The following TRAPPC3 variants were observed in gnomAD, a reference collection of about 807,000 sequenced individuals.
The protein encoded by TRAPPC3 is trafficking protein particle complex 3.
In TRAPPC3, 5 loss-of-function variants were observed where a neutral mutation model predicts 18.2. The observed-to-expected ratio is 0.28, with a 90% CI of 0.14 to 0.58. The LOEUF (loss-of-function observed/expected upper bound fraction) is 0.58. TRAPPC3 is among the 20% of genes least tolerant of loss of function. The probability of loss-of-function intolerance (pLI) is 0.91; values close to 1 mark genes in which losing one functional copy is unlikely to be tolerated. For synonymous variants in TRAPPC3, 65 were observed against 84.2 expected (o/e 0.77, Z 1.25); for missense variants, 176 against 225.9 (o/e 0.78, Z 1.41).
Position 36,137,945 on chromosome 1 carries a change from T to C in TRAPPC3, c.274A>G (p.Ser92Gly), listed in dbSNP as rs138894050. ...AFKMYLGITP[S>G]ITNWSPAGDE... ...CCAGCTGGGCTCCAATTAGTAATGC[T>C]TGGAGTGATGCCCAAGTACATCTTG... is the stretch of plus-strand genomic sequence containing the variant. Residue 92 changes from serine to glycine, a missense_variant, in exon 4 of 5, where the codon AGC becomes GGC. Physicochemically the swap from Ser to Gly is moderately conservative, Grantham distance 56. This residue lies in a region of TRAPPC3 where 147 missense variants were observed against 164.3 expected (regional missense o/e 0.89). Transcript: ENST00000373166. The C allele has an allele frequency of 5.0e-5, 81 of 1,614,132 alleles. No homozygotes were observed. In the Admixed American group the frequency reaches 1.1e-3, roughly 23 times the overall value.
At chr1:36,147,310 G>A (rs764748540) in intron 1 of TRAPPC3, among the ~76,000 whole-genome samples, 6 of 151,954 alleles carry the variant, frequency 3.9e-5, no homozygotes, top group South Asian at 4.2e-4. Flanking sequence ...GTGACAGAGC[G>A]AGACTCTGTC....
chr1:36,138,175 CA>C, intron 3 of TRAPPC3, 197 bp from the exon 4 acceptor site: 1 of 1,550,968 alleles, frequency 6.4e-7, no homozygotes, highest in Non-Finnish European at 8.7e-7. Flanking sequence ...TTCACGGCAT[CA>C]TACAGTTTTG....
intron 1 of TRAPPC3, among the ~76,000 whole-genome samples, chr1:36,147,437 C>G (rs1203105752): frequency 6.6e-6 from 1 of 151,094 alleles, no homozygotes. Context: ...AGTTCGAGAC[C>G]TCGAGACCAA....
intron 1 of TRAPPC3, 78 bp from the exon 2 acceptor site, chr1:36,140,244 T>G: frequency 3.5e-6 from 3 of 852,000 alleles, no homozygotes; most frequent in Non-Finnish European, 5.3e-6. Context: ...CCAGCCTTGA[T>G]GCAACTGTCA....
intron 1 of TRAPPC3, chr1:36,148,977 T>A (rs1557763444): frequency 3.3e-6 from 3 of 896,466 alleles, no homozygotes; most frequent in Non-Finnish European, 2.8e-6. Flanking sequence ...AACGGCAATG[T>A]TATCCATCTG....
upstream of TRAPPC3, among the ~76,000 whole-genome samples, chr1:36,150,684 C>T (rs1644262473): frequency 6.6e-6 from 1 of 152,218 alleles, no homozygotes; most frequent in South Asian, 2.1e-4. Flanking sequence ...ACCCTTTTCC[C>T]CAGACATTCT....
At chr1:36,139,938 T>A in intron 2 of TRAPPC3, 119 bp from the exon 3 acceptor site, 5 of 1,503,828 alleles carry the variant, frequency 3.3e-6, no homozygotes, top group Non-Finnish European at 4.5e-6. Context: ...AGTAAATGAG[T>A]TTAGTGAGAA....
At chr1:36,139,645 G>A in intron 3 of TRAPPC3, 75 bp downstream of exon 3, 14 of 1,589,018 alleles carry the variant, frequency 8.8e-6, no homozygotes, top group Non-Finnish European at 1.1e-5. Context: ...CCTCTCTAAG[G>A]GAGATAGAAA....
At chr1:36,147,410 G>C (rs1319738311) in intron 1 of TRAPPC3, among the ~76,000 whole-genome samples, 1 of 151,752 alleles carries the variant, frequency 6.6e-6, no homozygotes, top group Admixed American at 6.6e-5. Context: ...GAGTTGGAGG[G>C]ACTGCTTGAG....
chr1:36,151,937 G>T (rs1170940617), upstream of TRAPPC3, among the ~76,000 whole-genome samples: 2 of 152,158 alleles, frequency 1.3e-5, no homozygotes, highest in Non-Finnish European at 2.9e-5. Flanking sequence ...CACAGGGAGT[G>T]GGCCCTGGGA....
At chr1:36,144,309 A>AAAAAAAAAG (rs1553181270) in intron 1 of TRAPPC3, among the ~76,000 whole-genome samples, 22 of 143,752 alleles carry the variant, frequency 1.5e-4, no homozygotes, top group African/African-American at 5.8e-4. Flanking sequence ...AAAAAAAAAA[A>AAAAAAAAAG]GGGAGGGCAA....
chr1:36,150,723 A>G (rs932175783), upstream of TRAPPC3, among the ~76,000 whole-genome samples: 2 of 151,724 alleles, frequency 1.3e-5, no homozygotes, highest in Admixed American at 6.6e-5. Flanking sequence ...GTGACCCCTC[A>G]CTCTCCATCC....
At chr1:36,146,506 C>T (rs1375753162) in intron 1 of TRAPPC3, among the ~76,000 whole-genome samples, 1 of 148,826 alleles carries the variant, frequency 6.7e-6, no homozygotes, top group East Asian at 2.0e-4. Context: ...CCCTGGTCTC[C>T]ATCTCCTGAC....
At chr1:36,153,113 C>T (rs548385412), upstream of TRAPPC3, among the ~76,000 whole-genome samples, 2 of 152,202 alleles carry the variant, frequency 1.3e-5, no homozygotes, top group Non-Finnish European at 2.9e-5. Flanking sequence ...CCCTGTCGCT[C>T]GCCAAAGACT....
rs189388669 is a variant in TRAPPC3, at chr1:36,137,988, G to A, written c.241-10C>T. On this transcript the variant is annotated splice_polypyrimidine_tract_variant and intron_variant, in intron 3 of 4. Coordinates refer to ENST00000373166, the MANE Select transcript of TRAPPC3 (RefSeq NM_014408.5). Reference sequence around the variant, plus strand: ...ACATCTTGAACGCCACCTGTCAGGGGACACACAACAGCACTTTGGGGAAGA... The same window carrying A: ...ACATCTTGAACGCCACCTGTCAGGGAACACACAACAGCACTTTGGGGAAGA... 91 of 1,613,250 alleles carry A rather than the reference G, an allele frequency of 5.6e-5. 2 individuals are homozygous for A. The Admixed American group carries it at 1.1e-3, about 19-fold the overall frequency.
At position 36,137,944 on chromosome 1, in the gene TRAPPC3, C is replaced by T. The variant is rs749025207; in HGVS notation, c.275G>A (p.Ser92Asn). 4 of 1,613,964 alleles carry T rather than the reference C, an allele frequency of 2.5e-6. No homozygotes were observed. In the African/African-American group the frequency reaches 5.3e-5, roughly 22 times the overall value. ...ACCAGCTGGGCTCCAATTAGTAATG[C>T]TTGGAGTGATGCCCAAGTACATCTT... ...AFKMYLGITP[S>N]ITNWSPAGDE... The change falls in exon 4 of 5, where the codon AGC becomes AAC. Residue 92 changes from serine to asparagine, a missense_variant. Ser to Asn is a conservative substitution (Grantham distance 46). Transcript: ENST00000373166.
Position 36,137,110 on chromosome 1 carries a change from C to T in TRAPPC3, c.*93G>A. 1 of 1,429,240 alleles carries T rather than the reference C, an allele frequency of 7.0e-7. No individual in the cohort carries two copies. The highest frequency in any genetic ancestry group is 9.6e-7 in the Non-Finnish European group (1 of 1,037,778). 88.5% of individuals were successfully genotyped at this position (1,429,240 alleles called of 1,614,324 possible). On this transcript the variant is annotated 3_prime_UTR_variant, in exon 5 of 5. Coordinates refer to ENST00000373166, the MANE Select transcript of TRAPPC3 (RefSeq NM_014408.5). The stretch of plus-strand genomic sequence containing the variant: ...TATAAGAATATATAACATCCATGTT[C>T]AAGAGTCACTGAGTTCTGGAGGGCA...
chr1:36,137,355 G>T (rs1557756185), intron 4 of TRAPPC3, 33 bp from the exon 5 acceptor site: 4 of 1,596,198 alleles, frequency 2.5e-6, no homozygotes, highest in African/African-American at 1.3e-5. Context: ...AGGGGTAGCT[G>T]CCTGGCCACA....
At chr1:36,151,340 T>C (rs7537052), upstream of TRAPPC3, among the ~76,000 whole-genome samples, 2 of 151,866 alleles carry the variant, frequency 1.3e-5, no homozygotes, top group African/African-American at 2.4e-5. Context: ...CTGGGCAACA[T>C]AGTGAGACCC....
Sources: allele counts gnomAD v4.1 joint callset (sites outside exome capture counted in the v4.1 genomes callset), GRCh38; gene constraint gnomAD v4.1.1; regional missense constraint gnomAD v4.1.1; transcripts MANE v1.5; gene names NCBI Gene and HGNC (gene_info 2026-07-23, HGNC 2026-07-21).